Variants in ADAMTS9 observed in about 807,000 individuals in gnomAD.
ADAMTS9 encodes ADAM metallopeptidase with thrombospondin type 1 motif 9, also known as A disintegrin and metalloproteinase with thrombospondin motifs 9.
Under a neutral mutation model 257.1 loss-of-function variants are expected in ADAMTS9, and 107 were observed. That is an observed-to-expected ratio of 0.42 (90% CI 0.36 to 0.49). ADAMTS9 has a LOEUF of 0.49. Among genes scored for constraint, ADAMTS9 ranks in the 20% least tolerant of loss-of-function variants. ADAMTS9 has a pLI of 0.03. For synonymous variants in ADAMTS9, 982 were observed against 880.9 expected (o/e 1.11, Z -2.03); for missense variants, 2,353 against 2,469.1 (o/e 0.95, Z 1.00).
intron 39 of ADAMTS9, among the ~76,000 whole-genome samples, chr3:64,517,426 T>G (rs890754250): frequency 1.6e-5 from 2 of 128,152 alleles, no homozygotes; most frequent in African/African-American, 2.8e-5. Context: ...GTTTTTTTTT[T>G]TTTTTTTTTT....
chr3:64,653,281 C>T (rs559129739), intron 8 of ADAMTS9, among the ~76,000 whole-genome samples: 2 of 152,180 alleles, frequency 1.3e-5, no homozygotes, highest in Admixed American at 6.5e-5. Flanking sequence ...TCAGAAACCA[C>T]GAGGATAGAG....
chr3:64,550,562 T>C (rs772329882), intron 31 of ADAMTS9: 1 of 263,076 alleles, frequency 3.8e-6, no homozygotes, highest in Non-Finnish European at 7.3e-6. Flanking sequence ...TATTTTCTTA[T>C]ACTTAACTGT....
intron 31 of ADAMTS9, among the ~76,000 whole-genome samples, chr3:64,549,457 A>G (rs1055586415): frequency 2.6e-5 from 4 of 152,138 alleles, no homozygotes; most frequent in Non-Finnish European, 5.9e-5. Context: ...TATGCCTCAA[A>G]CCCAATATCA....
chr3:64,568,220 G>C, intron 29 of ADAMTS9, 148 bp downstream of exon 29: 1 of 762,130 alleles, frequency 1.3e-6, no homozygotes, highest in Non-Finnish European at 2.0e-6. Context: ...TAAGTATCCT[G>C]ACTATCTAGG....
At position 64,517,416 on chromosome 3, in the gene ADAMTS9, G is replaced by GTTTTTTTTTTTTTTTTTTTTTTT. The variant is rs755480110; in HGVS notation, c.*6-318_*6-296dup. Among the ~76,000 whole-genome samples the GTTTTTTTTTTTTTTTTTTTTTTT allele has an allele frequency of 1.0e-3, 54 of 52,666 alleles. 18 individuals are homozygous for GTTTTTTTTTTTTTTTTTTTTTTT. Among genetic ancestry groups the GTTTTTTTTTTTTTTTTTTTTTTT allele is most frequent in the Non-Finnish European group, 1.7e-3 (45 of 26,240 alleles). 34.6% of individuals were successfully genotyped at this position (52,666 alleles called of 152,430 possible). A position where few individuals can be genotyped will look rare whatever the true frequency, so the allele number is the denominator to read the frequency against. ...CATCAAGCCCAGCTAATTAAAAATG[G>GTTTTTTTTTTTTTTTTTTTTTTT]TTTTTTTTTTTTTTTTTTTTTTTGC... is the stretch of plus-strand genomic sequence containing the variant. On this transcript the variant is annotated intron_variant, in intron 39 of 39. Coordinates refer to ENST00000498707, the MANE Select transcript of ADAMTS9 (RefSeq NM_182920.2).
chr3:64,524,696 C>T (rs1575976169), intron 38 of ADAMTS9, among the ~76,000 whole-genome samples: 1 of 152,158 alleles, frequency 6.6e-6, no homozygotes, highest in Admixed American at 6.5e-5. Context: ...TTGATTTTGC[C>T]TCTTGGCCCT....
intron 26 of ADAMTS9, among the ~76,000 whole-genome samples, chr3:64,600,154 C>A (rs1210589268): frequency 6.7e-6 from 1 of 149,988 alleles, no homozygotes; most frequent in African/African-American, 2.5e-5. Flanking sequence ...CCAGAAACCA[C>A]TGAAAAACTT....
chr3:64,677,353 G>C (rs1416761095), intron 3 of ADAMTS9, among the ~76,000 whole-genome samples: 1 of 152,164 alleles, frequency 6.6e-6, no homozygotes, highest in Non-Finnish European at 1.5e-5. Flanking sequence ...GACATAACCA[G>C]TGATGACAAA....
At position 64,606,946 on chromosome 3, in the gene ADAMTS9, C is replaced by A. The variant is rs116529187; in HGVS notation, c.3474+14G>T. The A allele has an allele frequency of 6.2e-7, 1 of 1,612,958 alleles. No homozygotes were observed. Among genetic ancestry groups the A allele is most frequent in the Admixed American group, 1.7e-5 (1 of 59,936 alleles). ...CCCCAAAGTCAATAACTGAGTTGGA[C>A]AAAGGAAACTTACCTGGGTATCAGT... On this transcript the variant is annotated intron_variant, in intron 23 of 39. Coordinates refer to ENST00000498707, the MANE Select transcript of ADAMTS9 (RefSeq NM_182920.2).
intron 22 of ADAMTS9, among the ~76,000 whole-genome samples, chr3:64,610,022 C>T (rs1330614478): frequency 6.6e-6 from 1 of 152,178 alleles, no homozygotes; most frequent in African/African-American, 2.4e-5. Flanking sequence ...GGAGAGAGAA[C>T]AGCCTCTTCA....
chr3:64,631,587 A>G (rs1700368691), intron 15 of ADAMTS9, 37 bp from the exon 16 acceptor site: 8 of 1,530,612 alleles, frequency 5.2e-6, no homozygotes, highest in African/African-American at 1.4e-5. Context: ...TACTCCACAG[A>G]ATGGTTCACT....
rs558363900 is a variant in ADAMTS9 at position 64,595,759 on chromosome 3, G to A, written c.4179+1071C>T. On this transcript the variant is annotated intron_variant, in intron 27 of 39. Coordinates refer to ENST00000498707, the MANE Select transcript of ADAMTS9 (RefSeq NM_182920.2). ...GGACACGTGATTTCATTCAGCCAAG[G>A]ATGTGGACTAACATGCCCATCAATC... is the stretch of plus-strand genomic sequence containing the variant. 3.9e-5 allele frequency among the ~76,000 whole-genome samples: 6 copies of A among 152,130 alleles called. No individual in the cohort carries two copies. The East Asian group carries it at 1.2e-3, about 29-fold the overall frequency.
In ADAMTS9 at chr3:64,594,399, T is replaced by C; in HGVS notation, c.4215A>G (p.Arg1405=). 6.2e-7 allele frequency: 1 copy of C among 1,614,038 alleles called. No homozygotes were observed. The highest frequency in any genetic ancestry group is 8.5e-7 in the Non-Finnish European group (1 of 1,179,950). The change falls in exon 28 of 40, where the codon AGA becomes AGG. Residue 1405 remains arginine (R), a synonymous_variant. Coordinates refer to ENST00000498707, the MANE Select transcript of ADAMTS9 (RefSeq NM_182920.2). ...CGTTGGACCGCTGACAGACCACCAG[T>C]CTTGTTCTTATGCCTCCACCACACA... ...TKLCGGGIRT[R]LVVCQRSNGE... is the part of the protein sequence containing the mutation.
At chr3:64,662,754 C>G (rs1172062165) in intron 3 of ADAMTS9, among the ~76,000 whole-genome samples, 1 of 152,060 alleles carries the variant, frequency 6.6e-6, no homozygotes, top group African/African-American at 2.4e-5. Flanking sequence ...ACTGGGAAAT[C>G]TACAGAGACA....
chr3:64,677,806 G>A (rs1701658261), intron 3 of ADAMTS9, among the ~76,000 whole-genome samples: 1 of 152,046 alleles, frequency 6.6e-6, no homozygotes, highest in African/African-American at 2.4e-5. Context: ...GACAGTTCCT[G>A]GTTTTCTCCT....
intron 11 of ADAMTS9, among the ~76,000 whole-genome samples, chr3:64,643,067 G>T (rs1559807118): frequency 6.6e-6 from 1 of 152,170 alleles, no homozygotes; most frequent in Admixed American, 6.5e-5. Flanking sequence ...GTATCTGAGG[G>T]CACGTCCCTT....
At position 64,541,581 on chromosome 3, in the gene ADAMTS9, T is replaced by C; in HGVS notation, c.5237A>G (p.Lys1746Arg). The C allele has an allele frequency of 6.2e-7, 1 of 1,614,154 alleles. No individual in the cohort carries two copies. The highest frequency in any genetic ancestry group is 2.2e-5 in the East Asian group (1 of 44,876). ...ATATTCACCATCTTCACTGGCACCT[T>C]TAAGTCTTTTTACCTCCTTGCAATT... ...PQNCKEVKRLKGASEDGEYFL... is the reference protein window; with the variant it reads ...PQNCKEVKRLRGASEDGEYFL... The change falls in exon 34 of 40, where the codon AAA (lysine) becomes AGA (arginine). Residue 1746 changes from lysine (K) to arginine (R), a missense_variant. By Grantham distance (26) the Lys-to-Arg change is conservative. Around this residue, in one of 3 missense-constraint regions of ADAMTS9, gnomAD observed 1,402 missense variants for 1,441.4 expected, o/e 0.97. Coordinates refer to ENST00000498707, the MANE Select transcript of ADAMTS9 (RefSeq NM_182920.2).
At chr3:64,520,180 C>T (rs182834273) in intron 39 of ADAMTS9, among the ~76,000 whole-genome samples, 1 of 152,168 alleles carries the variant, frequency 6.6e-6, no homozygotes, top group East Asian at 1.9e-4. Flanking sequence ...ATCAAGAATG[C>T]AATCCAATTT....
Position 64,522,295 on chromosome 3 carries a change from T to G in ADAMTS9, c.5719-35A>C. ...GATGCATCATGTTAGCCTGCCTGCTTGGTTAATGCTTTCAGGGCCTGCACT... is the reference window on the plus strand; with the variant it reads ...GATGCATCATGTTAGCCTGCCTGCTGGGTTAATGCTTTCAGGGCCTGCACT... On this transcript the variant is annotated intron_variant, in intron 38 of 39. Transcript: ENST00000498707. 1.9e-6 allele frequency: 3 copies of G among 1,595,934 alleles called. No individual in the cohort carries two copies. In the South Asian group the frequency reaches 3.3e-5, roughly 18 times the overall value.
Sources: allele counts gnomAD v4.1 joint callset (sites outside exome capture counted in the v4.1 genomes callset), GRCh38; gene constraint gnomAD v4.1.1; regional missense constraint gnomAD v4.1.1; transcripts MANE v1.5; gene names NCBI Gene and HGNC (gene_info 2026-07-23, HGNC 2026-07-21).